Variants in DLL1 observed in about 807,000 individuals in gnomAD.
DLL1 encodes the protein delta like canonical Notch ligand 1.
DLL1 carries 9 observed loss-of-function variants against 75.1 expected under a neutral mutation model. That is an observed-to-expected ratio of 0.12 (90% CI 0.07 to 0.21). The LOEUF (loss-of-function observed/expected upper bound fraction) is 0.21. Among genes scored for constraint, DLL1 ranks in the 10% least tolerant of loss-of-function variants. The pLI, the probability that DLL1 is intolerant of heterozygous loss-of-function variation, is 1.00. For synonymous variants in DLL1, 477 were observed against 418.3 expected, an observed-to-expected ratio of 1.14 and a Z score of -1.71; for missense variants, 837 against 1,007.6, an observed-to-expected ratio of 0.83 and a Z score of 2.29.
At chr6:170,283,131 CAATG>C (rs1783599916) in intron 9 of DLL1, 26 bp from the exon 10 acceptor site, 1 of 1,613,818 alleles carries the variant, frequency 6.2e-7, no homozygotes, top group Non-Finnish European at 8.5e-7. Flanking sequence ...AGAAAATCCA[CAATG>C]AATGCATGAG....
Position 170,290,868 on chromosome 6 carries a change from G to A in DLL1, c.-729C>T. ...AGGAGGCTCTGCGCCGCGGCTGCCC[G>A]GGTTCCCCTGCGCTCTGCCCTCGGC... is the stretch of plus-strand genomic sequence containing the variant. On this transcript the variant is annotated 5_prime_UTR_variant, in exon 1 of 11. Coordinates refer to ENST00000366756, the MANE Select transcript of DLL1 (RefSeq NM_005618.4). This position sits in a 1 kb window ranked among gnomAD's most constrained non-coding sequence, Gnocchi z 4.7. The A allele has an allele frequency of 1.5e-6, 1 of 667,112 alleles. No homozygotes were observed. Among genetic ancestry groups the A allele is most frequent in the South Asian group, 1.6e-5 (1 of 61,756 alleles). The allele number at this position is 667,112 out of a possible 1,614,324, so 41.3% of individuals were successfully genotyped here.
chr6:170,283,709 G>A lies in DLL1; in HGVS notation c.1570C>T (p.Pro524Ser), dbSNP rs553876460. ...AGGTCCACCACCGCTGGGCCCGGGGGCAGCTCGGGGAGCAGGAACTGGCAG... is the reference window on the plus strand; with the variant it reads ...AGGTCCACCACCGCTGGGCCCGGGGACAGCTCGGGGAGCAGGAACTGGCAG... ...PNCQFLLPEL[P>S]PGPAVVDLTE... The change falls in exon 9 of 11, where the codon CCC becomes TCC. Residue 524 changes from proline (P) to serine (S), a missense_variant. By Grantham distance (74) the Pro-to-Ser change is moderately conservative (BLOSUM62 -1). Transcript: ENST00000366756. The A allele has an allele frequency of 7.5e-5, 116 of 1,551,500 alleles. No homozygotes were observed. Among genetic ancestry groups the A allele is most frequent in the South Asian group, 5.6e-4 (47 of 83,506 alleles).
chr6:170,286,418 C>G, intron 4 of DLL1, 120 bp from the exon 5 acceptor site: 3 of 1,286,054 alleles, frequency 2.3e-6, no homozygotes, highest in Non-Finnish European at 3.4e-6. Context: ...CTGAGTTAAT[C>G]TTCCCAGGTT....
chr6:170,288,845 G>T (rs1182472328), intron 2 of DLL1, 56 bp from the exon 3 acceptor site: 1 of 1,599,710 alleles, frequency 6.3e-7, no homozygotes, highest in East Asian at 2.2e-5. Context: ...AAAAGAAAAC[G>T]GCAAAAAGCA....
In DLL1 at chr6:170,290,648, G is replaced by T; in HGVS notation, c.-509C>A. ...TCCGGGGCCAGCGGCGCGCGCTGAG[G>T]GGACGGTCGGCGGCGGCGGGTGTGC... On this transcript the variant is annotated 5_prime_UTR_variant, in exon 1 of 11. Transcript: ENST00000366756. The surrounding 1 kb of genome is among the most constrained non-coding windows in gnomAD (Gnocchi z 4.7). The T allele has an allele frequency of 7.2e-6, 2 of 279,488 alleles. No individual in the cohort carries two copies. The highest frequency in any genetic ancestry group is 9.7e-5 in the South Asian group (2 of 20,532). The allele number at this position is 279,488 out of a possible 1,614,324, so 17.3% of individuals were successfully genotyped here.
chr6:170,284,777 T>C (rs773262983), intron 8 of DLL1, 142 bp downstream of exon 8: 20 of 890,654 alleles, frequency 2.2e-5, no homozygotes, highest in South Asian at 1.1e-4. Flanking sequence ...GACTCAAAGA[T>C]AGAGTTTCCA....
chr6:170,282,871 A>T lies in DLL1; in HGVS notation c.*3T>A. 1.2e-6 allele frequency: 2 copies of T among 1,614,138 alleles called. No homozygotes were observed. The highest frequency in any genetic ancestry group is 1.7e-6 in the Non-Finnish European group (2 of 1,180,050). On this transcript the variant is annotated 3_prime_UTR_variant, in exon 11 of 11. Coordinates refer to ENST00000366756, the MANE Select transcript of DLL1 (RefSeq NM_005618.4). ...ACGGGAGTCTTGCCATCTCACTTCC[A>T]TTTTACACCTGGGGGGCCACAAGAC...
chr6:170,288,078 G>T (rs1425577181), intron 4 of DLL1, 161 bp downstream of exon 4: 11 of 1,061,600 alleles, frequency 1.0e-5, no homozygotes, highest in Middle Eastern at 3.0e-4. Flanking sequence ...CCCCACTGAC[G>T]AGCTGTGACT....
In DLL1 at chr6:170,283,375, C is replaced by G; in HGVS notation, c.1904G>C (p.Arg635Pro). Reference sequence around the variant, plus strand: ...GAGGTTATAGTCCACCGCTGGGTAGCGGGCCTTGAAGCCATTCTTGTCGGC... The same window carrying G: ...GAGGTTATAGTCCACCGCTGGGTAGGGGGCCTTGAAGCCATTCTTGTCGGC... ...HSADKNGFKA[R>P]YPAVDYNLVQ... Residue 635 changes from arginine to proline, a missense_variant, in exon 9 of 11, where the codon CGC becomes CCC. By Grantham distance (103) the Arg-to-Pro change is moderately radical. Coordinates refer to ENST00000366756, the MANE Select transcript of DLL1 (RefSeq NM_005618.4). 1 of 1,611,812 alleles carries G rather than the reference C, an allele frequency of 6.2e-7. No homozygotes were observed. The highest frequency in any genetic ancestry group is 1.1e-5 in the South Asian group (1 of 91,086).
At position 170,285,378 on chromosome 6, in the gene DLL1, G is replaced by A. The variant is rs200711400; in HGVS notation, c.908C>T (p.Thr303Ile). ...GCTCCCCTGGCCCGTGTTGGTGCAG[G>A]TGGCTCCATTCTTGCAGGGCTTATG... ...THHKPCKNGA[T>I]CTNTGQGSYT... is the part of the protein sequence containing the mutation. Residue 303 changes from threonine to isoleucine, a missense_variant, in exon 7 of 11, where the codon ACC becomes ATC. Physicochemically the swap from Thr to Ile is moderately conservative, Grantham distance 89. Transcript: ENST00000366756. 1 of 1,614,136 alleles carries A rather than the reference G, an allele frequency of 6.2e-7. No individual in the cohort carries two copies. Among genetic ancestry groups the A allele is most frequent in the African/African-American group, 1.3e-5 (1 of 74,948 alleles).
At chr6:170,284,865 C>G (rs2738823) in intron 8 of DLL1, 54 bp downstream of exon 8, 1 of 1,563,068 alleles carries the variant, frequency 6.4e-7, no homozygotes, top group Non-Finnish European at 8.8e-7. Context: ...TTAATGCCAC[C>G]TCAGTATTGA....
rs1783576174 is a variant in DLL1, at chr6:170,282,363, A to T, written c.*511T>A. 5.9e-6 allele frequency: 1 copy of T among 169,340 alleles called. No individual in the cohort carries two copies. Among genetic ancestry groups the T allele is most frequent in the African/African-American group, 2.4e-5 (1 of 41,742 alleles). 10.5% of individuals were successfully genotyped at this position (169,340 alleles called of 1,614,324 possible). On this transcript the variant is annotated 3_prime_UTR_variant, in exon 11 of 11. Transcript: ENST00000366756. ...ATAGACCCGAAGTGCCTTTGTACAT[A>T]TTTACCAAAATTTAAATTATAAAAA...
chr6:170,288,665 G>C (rs1783762353), intron 3 of DLL1, 64 bp downstream of exon 3: 2 of 1,610,594 alleles, frequency 1.2e-6, no homozygotes, highest in South Asian at 1.1e-5. Flanking sequence ...CTGGGGGATG[G>C]GTGGGCAAAG....
intron 4 of DLL1, among the ~76,000 whole-genome samples, chr6:170,287,860 G>A (rs1783737233): frequency 6.6e-6 from 1 of 152,184 alleles, no homozygotes. Context: ...AACTCGGGTT[G>A]AAATGGTGCC....
intron 2 of DLL1, chr6:170,289,071 C>A: frequency 1.7e-6 from 1 of 593,244 alleles, no homozygotes; most frequent in Non-Finnish European, 3.0e-6. Flanking sequence ...AGAATGCAGG[C>A]AGGATGGGGT....
rs776787498 is a variant in DLL1, at chr6:170,288,254, G to A, written c.655C>T (p.Pro219Ser). The A allele has an allele frequency of 6.2e-7, 1 of 1,613,944 alleles. No individual in the cohort carries two copies. The highest frequency in any genetic ancestry group is 8.5e-7 in the Non-Finnish European group (1 of 1,180,038). ...EKVCNPGWKG[P>S]YCTEPICLPG... is the part of the protein sequence containing the mutation. The stretch of plus-strand genomic sequence containing the variant: ...AGAGACTCACGCTCTGTGCAGTAGG[G>A]CCCTTTCCAGCCAGGGTTGCACACT... Residue 219 changes from proline (P) to serine (S), a missense_variant, in exon 4 of 11, where the codon CCC (proline) becomes TCC (serine). By Grantham distance (74) the Pro-to-Ser change is moderately conservative (BLOSUM62 -1). Around this residue, in one of 2 missense-constraint regions of DLL1, gnomAD observed 304 missense variants for 461.9 expected, o/e 0.66. Transcript: ENST00000366756.
In DLL1 at chr6:170,291,047, C is replaced by A; in HGVS notation, c.-908G>T. The A allele has an allele frequency of 1.4e-6, 1 of 701,978 alleles. No individual in the cohort carries two copies. The highest frequency in any genetic ancestry group is 2.6e-6 in the Non-Finnish European group (1 of 384,668). 43.5% of individuals were successfully genotyped at this position (701,978 alleles called of 1,614,324 possible). A position where few individuals can be genotyped will look rare whatever the true frequency, so the allele number is the denominator to read the frequency against. On this transcript the variant is annotated 5_prime_UTR_variant, in exon 1 of 11. Coordinates refer to ENST00000366756, the MANE Select transcript of DLL1 (RefSeq NM_005618.4). The stretch of plus-strand genomic sequence containing the variant: ...GTCACAAAGGAGCCACTTTTCCAAA[C>A]CCTCCTCTCAATGGATCGCCAAATG...
Position 170,285,442 on chromosome 6 carries a change from G to C in DLL1, c.863-19C>G. On this transcript the variant is annotated intron_variant, in intron 6 of 10. Transcript: ENST00000366756. ...TTCAGGTCTGTGAAGGGTGGGGACAGGAAAAGTAGGAGATAGGAAGCTCGA... is the reference window on the plus strand; with the variant it reads ...TTCAGGTCTGTGAAGGGTGGGGACACGAAAAGTAGGAGATAGGAAGCTCGA... 3 of 1,614,196 alleles carry C rather than the reference G, an allele frequency of 1.9e-6. No individual in the cohort carries two copies. The South Asian group carries it at 3.3e-5, about 18-fold the overall frequency.
Position 170,290,029 on chromosome 6 carries a change from C to T in DLL1, c.54+57G>A. Reference sequence around the variant, plus strand: ...CCCCTCCCCGCGCGCTCCTGCCCCGCGCCCCGGCTACCCGTGAGACCCCGC... The same window carrying T: ...CCCCTCCCCGCGCGCTCCTGCCCCGTGCCCCGGCTACCCGTGAGACCCCGC... On this transcript the variant is annotated intron_variant, in intron 1 of 10. Transcript: ENST00000366756. This position sits in a 1 kb window ranked among gnomAD's most constrained non-coding sequence, Gnocchi z 4.7. 1 of 1,517,834 alleles carries T rather than the reference C, an allele frequency of 6.6e-7. No homozygotes were observed. Among genetic ancestry groups the T allele is most frequent in the Non-Finnish European group, 8.8e-7 (1 of 1,141,540 alleles). 94.0% of individuals were successfully genotyped at this position (1,517,834 alleles called of 1,614,324 possible).
Sources: allele counts gnomAD v4.1 joint callset (sites outside exome capture counted in the v4.1 genomes callset), GRCh38; gene constraint gnomAD v4.1.1; regional missense constraint gnomAD v4.1.1; non-coding constraint Gnocchi (gnomAD v3.1); transcripts MANE v1.5; gene names NCBI Gene and HGNC (gene_info 2026-07-23, HGNC 2026-07-21).